PIGQ: variants seen among roughly 807,000 people sequenced by gnomAD.
PIGQ encodes the protein phosphatidylinositol glycan anchor biosynthesis class Q, also known as phosphatidylinositol N-acetylglucosaminyltransferase subunit Q.
Under a neutral mutation model 60.3 loss-of-function variants are expected in PIGQ, and 54 were observed. That is an observed-to-expected ratio of 0.90 (90% CI 0.72 to 1.12). PIGQ has a LOEUF of 1.12. PIGQ is among the 50% of genes most tolerant of loss of function. The pLI is 0.00. For synonymous variants in PIGQ, 416 were observed against 363.7 expected, an observed-to-expected ratio of 1.14 and a Z score of -1.64; for missense variants, 799 against 793.5, an observed-to-expected ratio of 1.01 and a Z score of -0.08.
At chr16:575,383 G>T (rs1446886914) in intron 2 of PIGQ, among the ~76,000 whole-genome samples, 1 of 152,230 alleles carries the variant, frequency 6.6e-6, no homozygotes, top group African/African-American at 2.4e-5. Context: ...CCTGGCGGAG[G>T]TGCCCCATGG....
rs759480644 is a variant in PIGQ at position 574,515 on chromosome 16, GC to G, written c.444del (p.Asp149ThrfsTer21). 6.2e-7 allele frequency: 1 copy of G among 1,607,518 alleles called. No individual in the cohort carries two copies. Among genetic ancestry groups the G allele is most frequent in the Non-Finnish European group, 8.5e-7 (1 of 1,177,830 alleles). On this transcript the variant is annotated frameshift_variant, in exon 2 of 11. Transcript: ENST00000321878. LOFTEE classifies it high-confidence loss of function. ...LSQLHLPTVL[P>X]DRQAGATTAS... ...CACAGCTACACCTGCCCACCGTCCT[GC>G]CCGACCGCCAGGCTGGAGCCACCAC...
intron 1 of PIGQ, among the ~76,000 whole-genome samples, chr16:572,028 T>C (rs759103031): frequency 3.3e-5 from 5 of 152,130 alleles, no homozygotes; most frequent in Admixed American, 6.5e-5. Flanking sequence ...CCCTAGAACA[T>C]CTGTTTACTG....
At position 574,229 on chromosome 16, in the gene PIGQ, T is replaced by G; in HGVS notation, c.155T>G (p.Val52Gly). ...PIQVKQLLAQ[V>G]RQASQVGVAV... ...CAGGTCAAGCAGCTCCTGGCCCAGG[T>G]GCGGCAGGCCAGCCAGGTGGGCGTG... The change falls in exon 2 of 11, where the codon GTG becomes GGG. Residue 52 changes from valine to glycine, a missense_variant. By Grantham distance (109) the Val-to-Gly change is moderately radical (BLOSUM62 -3). Transcript: ENST00000321878. 6.2e-7 allele frequency: 1 copy of G among 1,611,280 alleles called. No homozygotes were observed. The highest frequency in any genetic ancestry group is 2.2e-5 in the East Asian group (1 of 44,872).
In PIGQ at chr16:581,944, AGTAC is replaced by A. The variant is rs1042125582; in HGVS notation, c.1532-300_1532-297del. On this transcript the variant is annotated intron_variant, in intron 9 of 10. Transcript: ENST00000321878. ...ACACCCGGCTAATTTTTGTATTTTTAGTACGTATGGGGTTTCACCATGTTGGCCA... is the reference window on the plus strand; with the variant it reads ...ACACCCGGCTAATTTTTGTATTTTTAGTATGGGGTTTCACCATGTTGGCCA... The A allele has an allele frequency of 9.6e-4, 388 of 402,146 alleles. 4 individuals are homozygous for A. Among genetic ancestry groups the A allele is most frequent in the Non-Finnish European group, 3.8e-4 (81 of 213,316 alleles). 24.9% of individuals were successfully genotyped at this position (402,146 alleles called of 1,614,324 possible).
chr16:583,575 T>C lies in PIGQ; in HGVS notation c.*540T>C. The stretch of plus-strand genomic sequence containing the variant: ...CCCCGTCCCCAGCGGGCCCGGGCCC[T>C]CACTCCCTGAACCACACGGGGTTTA... On this transcript the variant is annotated 3_prime_UTR_variant, in exon 11 of 11. Transcript: ENST00000321878. 2 of 1,612,508 alleles carry C rather than the reference T, an allele frequency of 1.2e-6. No individual in the cohort carries two copies. Among genetic ancestry groups the C allele is most frequent in the Non-Finnish European group, 1.7e-6 (2 of 1,179,722 alleles).
At chr16:573,008 C>G (rs2035659785) in intron 1 of PIGQ, among the ~76,000 whole-genome samples, 1 of 152,218 alleles carries the variant, frequency 6.6e-6, no homozygotes, top group Admixed American at 6.5e-5. Flanking sequence ...GCCCAGCCAG[C>G]CGGCCAGTAG....
Position 574,442 on chromosome 16 carries a change from A to C in PIGQ, c.368A>C (p.Glu123Ala). 3.7e-6 allele frequency: 6 copies of C among 1,610,968 alleles called. No homozygotes were observed. The highest frequency in any genetic ancestry group is 5.1e-6 in the Non-Finnish European group (6 of 1,179,244). Residue 123 changes from glutamate (E) to alanine (A), a missense_variant, in exon 2 of 11, where the codon GAG (glutamate) becomes GCG (alanine). By Grantham distance (107) the Glu-to-Ala change is moderately radical. Coordinates refer to ENST00000321878, the MANE Select transcript of PIGQ (RefSeq NM_004204.5). Reference protein sequence around the residue: ...QAPTAPGAPGEDQVMLIFYDQ... With the variant: ...QAPTAPGAPGADQVMLIFYDQ... Reference sequence around the variant, plus strand: ...CCCACTGCCCCCGGTGCCCCTGGTGAGGACCAGGTCATGCTCATCTTCTAT... The same window carrying C: ...CCCACTGCCCCCGGTGCCCCTGGTGCGGACCAGGTCATGCTCATCTTCTAT...
At chr16:571,324 A>G (rs112625562) in intron 1 of PIGQ, among the ~76,000 whole-genome samples, 383 of 3,676 alleles carry the variant, frequency 0.1, no homozygotes, top group African/African-American at 0.11. Flanking sequence ...CCTGGCAACC[A>G]TGGCTAGCCT....
intron 1 of PIGQ, among the ~76,000 whole-genome samples, chr16:571,611 C>CAT (rs1491121045): frequency 0.024 from 2,997 of 125,070 alleles, 132 homozygotes; most frequent in African/African-American, 0.076. Flanking sequence ...GCCTGGCGCC[C>CAT]GTGTGTGTGT....
At chr16:581,038 C>A in intron 9 of PIGQ, 66 bp downstream of exon 9, 2 of 1,344,342 alleles carry the variant, frequency 1.5e-6, no homozygotes, top group Non-Finnish European at 2.1e-6. Flanking sequence ...GTGGGCCCTG[C>A]AGAAGCAAGG....
rs1395423595 is a variant in PIGQ, at chr16:583,207, A to G, written c.*172A>G. 6.2e-7 allele frequency: 1 copy of G among 1,613,182 alleles called. No individual in the cohort carries two copies. The highest frequency in any genetic ancestry group is 8.5e-7 in the Non-Finnish European group (1 of 1,179,984). On this transcript the variant is annotated 3_prime_UTR_variant, in exon 11 of 11. Coordinates refer to ENST00000321878, the MANE Select transcript of PIGQ (RefSeq NM_004204.5). The stretch of plus-strand genomic sequence containing the variant: ...TTGGGCTTGGAGGTCATTGGGAGTG[A>G]GCAGATGTGGGGGTGGCCAGCCAGG...
rs2035844821 is a variant in PIGQ at position 583,377 on chromosome 16, C to T, written c.*342C>T. 4 of 1,612,564 alleles carry T rather than the reference C, an allele frequency of 2.5e-6. No individual in the cohort carries two copies. The African/African-American group carries it at 4.0e-5, about 16-fold the overall frequency. Reference sequence around the variant, plus strand: ...GTGTACCCAGGTCCAGAGGGTCCGTCCACCACAGCAGCCCCAGGTGGAGGG... The same window carrying T: ...GTGTACCCAGGTCCAGAGGGTCCGTTCACCACAGCAGCCCCAGGTGGAGGG... On this transcript the variant is annotated 3_prime_UTR_variant, in exon 11 of 11. Transcript: ENST00000321878.
intron 4 of PIGQ, chr16:578,122 AGGG>A: frequency 2.4e-6 from 1 of 421,064 alleles, no homozygotes; most frequent in Admixed American, 4.0e-5. Context: ...GGGTGCAGGC[AGGG>A]GGCCACGCGG....
chr16:571,373 C>A (rs2035622430), intron 1 of PIGQ, among the ~76,000 whole-genome samples: 3 of 111,490 alleles, frequency 2.7e-5, no homozygotes, highest in Admixed American at 1.0e-4. Context: ...TAGCCTGGGA[C>A]CCGTGGCTAG....
intron 4 of PIGQ, chr16:578,169 T>G (rs1461083876): frequency 1.8e-6 from 1 of 540,666 alleles, no homozygotes; most frequent in Non-Finnish European, 3.3e-6. Context: ...CACCCAGGCC[T>G]GCAGAGAGAG....
At chr16:575,257 A>G (rs1377883930) in intron 2 of PIGQ, among the ~76,000 whole-genome samples, 1 of 152,156 alleles carries the variant, frequency 6.6e-6, no homozygotes, top group Non-Finnish European at 1.5e-5. Context: ...TCTCTCCACA[A>G]TCACAGGTGC....
rs770184757 is a variant in PIGQ, at chr16:583,681, G to T, written c.*646G>T. Reference sequence around the variant, plus strand: ...AGCATCGCCAGGCTGCTGTGGGGGCGGGAGCAGCCTCAGTGTCAAGGGCCC... The same window carrying T: ...AGCATCGCCAGGCTGCTGTGGGGGCTGGAGCAGCCTCAGTGTCAAGGGCCC... On this transcript the variant is annotated 3_prime_UTR_variant, in exon 11 of 11. Coordinates refer to ENST00000321878, the MANE Select transcript of PIGQ (RefSeq NM_004204.5). 1.9e-6 allele frequency: 3 copies of T among 1,601,642 alleles called. No homozygotes were observed. Among genetic ancestry groups the T allele is most frequent in the South Asian group, 2.2e-5 (2 of 90,868 alleles).
In PIGQ at chr16:578,821, T is replaced by C. The variant is rs760367328; in HGVS notation, c.1106T>C (p.Ile369Thr). The change falls in exon 6 of 11, where the codon ATC becomes ACC. Residue 369 changes from isoleucine (I) to threonine (T), a missense_variant. Transcript: ENST00000321878. ...IHLMSPFVEHILWHVGLSACL... is the reference protein window; with the variant it reads ...IHLMSPFVEHTLWHVGLSACL... ...CTCATGTCCCCCTTCGTGGAGCACA[T>C]CCTTTGGCACGTGGGCCTCTCGGCC... 7 of 1,613,652 alleles carry C rather than the reference T, an allele frequency of 4.3e-6. No individual in the cohort carries two copies. The African/African-American group carries it at 9.3e-5, about 22-fold the overall frequency.
Position 578,378 on chromosome 16 carries a change from G to C in PIGQ, c.943-1G>C. 6.2e-7 allele frequency: 1 copy of C among 1,608,598 alleles called. No homozygotes were observed. The highest frequency in any genetic ancestry group is 1.3e-5 in the African/African-American group (1 of 75,022). On this transcript the variant is annotated splice_acceptor_variant, in intron 4 of 10. Coordinates refer to ENST00000321878, the MANE Select transcript of PIGQ (RefSeq NM_004204.5). LOFTEE classifies it high-confidence loss of function. ...CCAGCGTGGCCCCTGTGTCCCTGCAGCACGTGGCCGAGGAGCTCCAGCATC... is the reference window on the plus strand; with the variant it reads ...CCAGCGTGGCCCCTGTGTCCCTGCACCACGTGGCCGAGGAGCTCCAGCATC...
Sources: allele counts gnomAD v4.1 joint callset (sites outside exome capture counted in the v4.1 genomes callset), GRCh38; gene constraint gnomAD v4.1.1; transcripts MANE v1.5; gene names NCBI Gene and HGNC (gene_info 2026-07-23, HGNC 2026-07-21).